FOXP2: variants seen among roughly 807,000 people sequenced by gnomAD.
The protein encoded by FOXP2 is forkhead box protein P2.
In FOXP2, 12 loss-of-function variants were observed where a neutral mutation model predicts 115.8. The ratio of observed to expected loss-of-function variants is 0.10; its 90% CI spans 0.07 to 0.17. The LOEUF is 0.17. Among genes scored for constraint, FOXP2 ranks in the 10% least tolerant of loss-of-function variants. The pLI, the probability that FOXP2 is intolerant of heterozygous loss-of-function variation, is 1.00. For synonymous variants in FOXP2, 328 were observed against 297.7 expected, an observed-to-expected ratio of 1.10 and a Z score of -1.05; for missense variants, 629 against 843.5, an observed-to-expected ratio of 0.75 and a Z score of 3.15.
At chr7:114,593,498 G>A (rs1271663021) in intron 3 of FOXP2, among the ~76,000 whole-genome samples, 4 of 151,746 alleles carry the variant, frequency 2.6e-5, no homozygotes, top group Non-Finnish European at 5.9e-5. Flanking sequence ...TTCTATCAAC[G>A]CTTATATGAT....
intron 2 of FOXP2, among the ~76,000 whole-genome samples, chr7:114,501,254 T>TA (rs1241222702): frequency 2.0e-5 from 3 of 152,274 alleles, no homozygotes; most frequent in African/African-American, 7.2e-5. Flanking sequence ...TAAGGTTAGT[T>TA]ACGCCAAGCC....
chr7:114,391,046 G>T (rs1283958605), intron 2 of FOXP2, among the ~76,000 whole-genome samples: 1 of 152,092 alleles, frequency 6.6e-6, no homozygotes, highest in Non-Finnish European at 1.5e-5. Context: ...AATTAGCTGG[G>T]CGTGGTGGCA....
intron 9 of FOXP2, among the ~76,000 whole-genome samples, chr7:114,653,135 C>G (rs1806370367): frequency 6.6e-6 from 1 of 151,944 alleles, no homozygotes; most frequent in South Asian, 2.1e-4. Context: ...TTTCAGAGAG[C>G]TTACTAAAAA....
chr7:114,105,886 T>C (rs941394646), intron 1 of FOXP2, among the ~76,000 whole-genome samples: 16 of 152,062 alleles, frequency 1.1e-4, no homozygotes, highest in African/African-American at 3.9e-4. Flanking sequence ...CTCTTCCTGG[T>C]CTAGTGCTCT....
At chr7:114,363,294 C>T (rs1376178974) in intron 2 of FOXP2, among the ~76,000 whole-genome samples, 1 of 151,986 alleles carries the variant, frequency 6.6e-6, no homozygotes, top group Non-Finnish European at 1.5e-5. Context: ...CCCTACTATA[C>T]TATATGCCCA....
At chr7:114,247,271 CT>C (rs1795309578) in intron 1 of FOXP2, among the ~76,000 whole-genome samples, 2 of 152,104 alleles carry the variant, frequency 1.3e-5, no homozygotes, top group Admixed American at 6.5e-5. Flanking sequence ...TAACCCAGAA[CT>C]TTTTTAAAGC....
intron 2 of FOXP2, among the ~76,000 whole-genome samples, chr7:114,502,280 G>A (rs1416457743): frequency 6.6e-6 from 1 of 151,908 alleles, no homozygotes; most frequent in Non-Finnish European, 1.5e-5. Flanking sequence ...CATTAACCTA[G>A]CTAAGTTAAA....
At chr7:114,127,852 C>T (rs951443942) in intron 1 of FOXP2, among the ~76,000 whole-genome samples, 1 of 152,136 alleles carries the variant, frequency 6.6e-6, no homozygotes, top group South Asian at 2.1e-4. Flanking sequence ...CAGAATATTC[C>T]TTATTTAATG....
intron 2 of FOXP2, among the ~76,000 whole-genome samples, chr7:114,487,607 C>T (rs1429757166): frequency 6.6e-6 from 1 of 152,126 alleles, no homozygotes; most frequent in Non-Finnish European, 1.5e-5. Context: ...GCTCTGCTTC[C>T]TCTTGAATAC....
intron 16 of FOXP2, among the ~76,000 whole-genome samples, chr7:114,684,366 T>G: frequency 6.6e-6 from 1 of 152,210 alleles, no homozygotes; most frequent in Non-Finnish European, 1.5e-5. Flanking sequence ...CGAGGTCTTC[T>G]CAAGTGTCCT....
intron 2 of FOXP2, among the ~76,000 whole-genome samples, chr7:114,448,589 G>A (rs1254801537): frequency 2.0e-5 from 3 of 152,036 alleles, no homozygotes; most frequent in Admixed American, 2.0e-4. Flanking sequence ...GGTGCCGCTA[G>A]CCTTTTCATG....
intron 2 of FOXP2, among the ~76,000 whole-genome samples, chr7:114,495,483 C>CTCTTTTTTTTTTTTTT (rs776653007): frequency 3.4e-4 from 21 of 61,458 alleles, no homozygotes; most frequent in Non-Finnish European, 4.0e-4. Flanking sequence ...TTCTCTCTCT[C>CTCTTTTTTTTTTTTTT]TTTTTTTTTT....
At chr7:114,467,253 T>C (rs1238468802) in intron 2 of FOXP2, among the ~76,000 whole-genome samples, 2 of 152,184 alleles carry the variant, frequency 1.3e-5, no homozygotes, top group African/African-American at 4.8e-5. Context: ...GGTGGTCTGC[T>C]TTGGGTTGGC....
At chr7:114,086,539 T>G (rs1449543086), upstream of FOXP2, 4 of 404,172 alleles carry the variant, frequency 9.9e-6, no homozygotes, top group African/African-American at 4.4e-5. Flanking sequence ...CGTGGGTGTG[T>G]TGTTTGGGGG....
At chr7:114,532,996 A>G (rs1799212298) in intron 2 of FOXP2, among the ~76,000 whole-genome samples, 1 of 151,996 alleles carries the variant, frequency 6.6e-6, no homozygotes, top group Non-Finnish European at 1.5e-5. Context: ...AAGTAATTAC[A>G]GATTTTTTTG....
At chr7:114,241,257 A>AT (rs151113042) in intron 1 of FOXP2, among the ~76,000 whole-genome samples, 34 of 152,186 alleles carry the variant, frequency 2.2e-4, no homozygotes, top group Non-Finnish European at 4.3e-4. Flanking sequence ...ATAGAAAAGG[A>AT]TGTTTTTATT....
chr7:114,197,350 A>C (rs1375723519), intron 1 of FOXP2, among the ~76,000 whole-genome samples: 1 of 152,244 alleles, frequency 6.6e-6, no homozygotes, highest in Non-Finnish European at 1.5e-5. Context: ...TGGAAGGCTA[A>C]GCTCAGGGTG....
At position 114,115,653 on chromosome 7, in the gene FOXP2, C is replaced by T. The variant is rs548708049; in HGVS notation, c.-247+27815C>T. Among the ~76,000 whole-genome samples the T allele has an allele frequency of 1.9e-4, 29 of 152,232 alleles. No individual in the cohort carries two copies. The South Asian group carries it at 3.3e-3, about 17-fold the overall frequency. ...CATCTCAATTCAGATGCAGCTTCCT[C>T]GTGGAACTCTTTTTTAACCTAACTA... On this transcript the variant is annotated intron_variant, in intron 1 of 19. Coordinates refer to the FOXP2 transcript ENST00000635638.
chr7:114,282,417 G>A (rs1040277356), intron 1 of FOXP2, among the ~76,000 whole-genome samples: 1 of 152,130 alleles, frequency 6.6e-6, no homozygotes, highest in African/African-American at 2.4e-5. Context: ...AATTAAGGCA[G>A]TGGGACAGAG....
Sources: allele counts gnomAD v4.1 joint callset (sites outside exome capture counted in the v4.1 genomes callset), GRCh38; gene constraint gnomAD v4.1.1; transcripts MANE v1.5; gene names NCBI Gene and HGNC (gene_info 2026-07-23, HGNC 2026-07-21).